Variants in NBAS observed in about 807,000 individuals in gnomAD.
NBAS encodes NBAS subunit of NRZ tethering complex.
Under a neutral mutation model 302.5 loss-of-function variants are expected in NBAS, and 219 were observed. The observed-to-expected ratio is 0.72, with a 90% CI of 0.65 to 0.81. NBAS has a LOEUF of 0.81. NBAS is among the 30% of genes least tolerant of loss of function. NBAS has a pLI of 0.00. For synonymous variants in NBAS, 1,118 were observed against 1,021.6 expected (o/e 1.09, Z -1.80); for missense variants, 2,932 against 2,841.6 (o/e 1.03, Z -0.72).
At chr2:14,978,001 G>A in the NBAS span, among the ~76,000 whole-genome samples, 1 of 152,102 alleles carries the variant, frequency 6.6e-6, no homozygotes, top group Non-Finnish European at 1.5e-5. Context: ...CAAAAAACAA[G>A]TGGTTCTCTT....
Position 15,218,973 on chromosome 2 carries a change from A to G in NBAS, c.6237-5T>C, listed in dbSNP as rs756695772. 5 of 1,614,222 alleles carry G rather than the reference A, an allele frequency of 3.1e-6. No individual in the cohort carries two copies. In the South Asian group the frequency reaches 5.5e-5, roughly 18 times the overall value. ...TCAGGTGAAACCAGCTCCTCACTGC[A>G]GGGCAAAATCCAGAGGTATCTGTAA... On this transcript the variant is annotated splice_region_variant and splice_polypyrimidine_tract_variant and intron_variant, in intron 47 of 51. Transcript: ENST00000281513.
the NBAS span, among the ~76,000 whole-genome samples, chr2:15,054,670 C>A: frequency 6.6e-6 from 1 of 152,186 alleles, no homozygotes; most frequent in East Asian, 1.9e-4. Context: ...AACATAGAAA[C>A]ACACTTGCAC....
intron 31 of NBAS, among the ~76,000 whole-genome samples, chr2:15,367,166 C>G (rs371986201): frequency 6.6e-6 from 1 of 152,218 alleles, no homozygotes; most frequent in Middle Eastern, 3.4e-3. Context: ...CTCACTGTTG[C>G]AATTTATTAA....
chr2:15,495,794 G>A (rs1450025336), intron 11 of NBAS, among the ~76,000 whole-genome samples: 3 of 152,068 alleles, frequency 2.0e-5, no homozygotes, highest in Admixed American at 6.6e-5. Context: ...AACAAGTGTT[G>A]GCATGGATGT....
At chr2:14,935,992 G>T in the NBAS span, among the ~76,000 whole-genome samples, 3 of 152,168 alleles carry the variant, frequency 2.0e-5, no homozygotes, top group African/African-American at 7.2e-5. Flanking sequence ...AGACTCATCC[G>T]AATAAAATAG....
chr2:15,002,514 CAG>C, the NBAS span, among the ~76,000 whole-genome samples: 14 of 152,210 alleles, frequency 9.2e-5, no homozygotes, highest in Non-Finnish European at 1.3e-4. Context: ...AGCTGCCTGC[CAG>C]TCCCACGCCG....
intron 50 of NBAS, among the ~76,000 whole-genome samples, chr2:15,184,532 G>T (rs958698677): frequency 6.6e-6 from 1 of 151,912 alleles, no homozygotes; most frequent in Non-Finnish European, 1.5e-5. Flanking sequence ...CGCATGTGTA[G>T]TTCACAATAG....
chr2:15,393,339 A>C (rs1675699980), intron 28 of NBAS, among the ~76,000 whole-genome samples: 1 of 152,024 alleles, frequency 6.6e-6, no homozygotes, highest in Non-Finnish European at 1.5e-5. Flanking sequence ...ATATAAGAAA[A>C]CTCCCAAAAC....
the NBAS span, among the ~76,000 whole-genome samples, chr2:14,953,514 G>A: frequency 1.3e-5 from 2 of 152,204 alleles, no homozygotes; most frequent in Non-Finnish European, 2.9e-5. Flanking sequence ...TGCCTGATCA[G>A]GGCGAGGATC....
rs138967341 is a variant in NBAS at position 15,252,580 on chromosome 2, G to C, written c.5725-13894C>G. 1.0e-3 allele frequency among the ~76,000 whole-genome samples: 156 copies of C among 151,786 alleles called. 1 individual carries two copies. Among genetic ancestry groups the C allele is most frequent in the Middle Eastern group, 6.8e-3 (2 of 292 alleles). ...CTTTGAACATAAGGCTGTTATTTAG[G>C]AAATGGCAGGTGACTTAAGAAAAAT... is the stretch of plus-strand genomic sequence containing the variant. On this transcript the variant is annotated intron_variant, in intron 44 of 51. Transcript: ENST00000281513.
chr2:15,221,901 G>T (rs1377981171), intron 47 of NBAS, among the ~76,000 whole-genome samples: 1 of 152,194 alleles, frequency 6.6e-6, no homozygotes. Flanking sequence ...CTCTTTGACA[G>T]CACAGGCTCT....
the NBAS span, among the ~76,000 whole-genome samples, chr2:15,123,438 G>A: frequency 6.6e-6 from 1 of 152,204 alleles, no homozygotes; most frequent in East Asian, 1.9e-4. Context: ...CAAATCTCAT[G>A]TGGAGTAACC....
At chr2:15,321,989 C>T (rs1671830125) in intron 38 of NBAS, among the ~76,000 whole-genome samples, 1 of 152,046 alleles carries the variant, frequency 6.6e-6, no homozygotes, top group African/African-American at 2.4e-5. Context: ...TGGAACCAAC[C>T]CAAATGTCCA....
chr2:15,264,186 A>C (rs1668972788), intron 44 of NBAS, among the ~76,000 whole-genome samples: 1 of 152,170 alleles, frequency 6.6e-6, no homozygotes, highest in South Asian at 2.1e-4. Flanking sequence ...TGTAGTAGGG[A>C]GGTTATTTTC....
At chr2:15,142,105 C>A in the NBAS span, among the ~76,000 whole-genome samples, 1 of 152,190 alleles carries the variant, frequency 6.6e-6, no homozygotes, top group African/African-American at 2.4e-5. Flanking sequence ...TGTTGGGGGA[C>A]ACACACTTCA....
intron 10 of NBAS, 138 bp from the exon 11 acceptor site, chr2:15,504,351 C>A: frequency 1.3e-6 from 1 of 760,550 alleles, no homozygotes; most frequent in Non-Finnish European, 2.2e-6. Flanking sequence ...AAGAAGGTGT[C>A]AAGGATCTTG....
chr2:14,934,114 A>G, the NBAS span, among the ~76,000 whole-genome samples: 2 of 152,304 alleles, frequency 1.3e-5, no homozygotes, highest in East Asian at 3.9e-4. Flanking sequence ...TACAAATGGA[A>G]AGGCTAGATC....
Position 15,238,490 on chromosome 2 carries a change from A to C in NBAS, c.5921T>G (p.Leu1974Arg). Reference sequence around the variant, plus strand: ...TACCTGCTCACTATTCTTCAGAGAAAGGATGAAGCTGTGGCTCAGGGTTTC... The same window carrying C: ...TACCTGCTCACTATTCTTCAGAGAACGGATGAAGCTGTGGCTCAGGGTTTC... The part of the protein sequence containing the change: ...HLETLSHSFI[L>R]SLKNSEQETL... Residue 1974 changes from leucine to arginine, a missense_variant, in exon 45 of 52, where the codon CTT (leucine) becomes CGT (arginine). Transcript: ENST00000281513. The C allele has an allele frequency of 6.2e-7, 1 of 1,614,184 alleles. No individual in the cohort carries two copies. Among genetic ancestry groups the C allele is most frequent in the Non-Finnish European group, 8.5e-7 (1 of 1,180,000 alleles).
chr2:15,040,474 A>ACAG, the NBAS span, among the ~76,000 whole-genome samples: 2 of 152,184 alleles, frequency 1.3e-5, no homozygotes, highest in Non-Finnish European at 2.9e-5. Context: ...GTTCTCTAAG[A>ACAG]CAGCAAACAT....
Sources: allele counts gnomAD v4.1 joint callset (sites outside exome capture counted in the v4.1 genomes callset), GRCh38; gene constraint gnomAD v4.1.1; transcripts MANE v1.5; gene names NCBI Gene and HGNC (gene_info 2026-07-23, HGNC 2026-07-21).